Variants in EXOC6B observed in about 807,000 individuals in gnomAD.
The protein encoded by EXOC6B is SEC15 homolog B.
A neutral mutation model predicts 113.5 loss-of-function variants in EXOC6B; 54 were observed. That is an observed-to-expected ratio of 0.48 (90% CI 0.38 to 0.60). EXOC6B has a LOEUF of 0.60. EXOC6B is among the 20% of genes least tolerant of loss of function. EXOC6B has a pLI of 0.00. For missense variants in EXOC6B, 797 were observed against 977.5 expected, an observed-to-expected ratio of 0.82 and a Z score of 2.46; for synonymous variants, 357 against 339.0, an observed-to-expected ratio of 1.05 and a Z score of -0.58.
chr2:72,408,301 C>A (rs976078645), intron 18 of EXOC6B, among the ~76,000 whole-genome samples: 1 of 152,060 alleles, frequency 6.6e-6, no homozygotes, highest in Non-Finnish European at 1.5e-5. Flanking sequence ...CAAAGTAATT[C>A]ATAGATTCAG....
chr2:72,478,093 G>T (rs973263250), intron 17 of EXOC6B, among the ~76,000 whole-genome samples: 1 of 152,014 alleles, frequency 6.6e-6, no homozygotes, highest in Non-Finnish European at 1.5e-5. Context: ...AGTATAGTGG[G>T]TGTCTTCTCT....
chr2:72,349,215 G>C (rs10203965), intron 19 of EXOC6B, among the ~76,000 whole-genome samples: 15,540 of 152,180 alleles, frequency 0.1, 790 homozygotes, highest in African/African-American at 0.12. Context: ...TGAGGTCTGT[G>C]ATATAATAAG....
intron 18 of EXOC6B, among the ~76,000 whole-genome samples, chr2:72,424,183 A>G (rs1695074910): frequency 1.3e-5 from 2 of 152,200 alleles, no homozygotes; most frequent in Non-Finnish European, 2.9e-5. Context: ...ACAATTCTTG[A>G]TAATTTACAC....
At chr2:72,685,338 C>T (rs1196139072) in intron 6 of EXOC6B, among the ~76,000 whole-genome samples, 2 of 152,144 alleles carry the variant, frequency 1.3e-5, no homozygotes, top group African/African-American at 4.8e-5. Flanking sequence ...CAAGCAAAGT[C>T]AATTTCCCTC....
rs146573352 is a variant in EXOC6B, at chr2:72,397,660, T to TAAAATAAAATAAAATAAAATAAAAATA, written c.1981-17791_1981-17790insTATTTTTATTTTATTTTATTTTATTTT. Among the ~76,000 whole-genome samples, 91 of 139,888 alleles carry TAAAATAAAATAAAATAAAATAAAAATA rather than the reference T, an allele frequency of 6.5e-4. 1 individual carries two copies. Among genetic ancestry groups the TAAAATAAAATAAAATAAAATAAAAATA allele is most frequent in the African/African-American group, 2.3e-3 (75 of 33,156 alleles). The allele number at this position is 139,888 out of a possible 152,430, so 91.8% of individuals were successfully genotyped here. ...TAAAATAAAATAAAATAAAATAAAA[T>TAAAATAAAATAAAATAAAATAAAAATA]TATATATATATACACTCATATATTC... On this transcript the variant is annotated intron_variant, in intron 18 of 21. Transcript: ENST00000272427.
intron 20 of EXOC6B, among the ~76,000 whole-genome samples, chr2:72,204,538 A>G (rs1169660180): frequency 7.2e-6 from 1 of 138,330 alleles, no homozygotes; most frequent in Non-Finnish European, 1.5e-5. Context: ...ATTAAAGGGG[A>G]GAAGACCAGA....
intron 18 of EXOC6B, among the ~76,000 whole-genome samples, chr2:72,396,780 G>A (rs1284658206): frequency 6.6e-6 from 1 of 151,340 alleles, no homozygotes; most frequent in Non-Finnish European, 1.5e-5. Flanking sequence ...AGAAGTAAAA[G>A]GTAAAAAAAA....
chr2:72,732,989 A>C, intron 3 of EXOC6B, 82 bp downstream of exon 3: 1 of 952,906 alleles, frequency 1.0e-6, no homozygotes, highest in Non-Finnish European at 1.7e-6. Context: ...TTACAGTCTT[A>C]ACCACTAAAT....
intron 20 of EXOC6B, among the ~76,000 whole-genome samples, chr2:72,319,785 A>G (rs546981156): frequency 6.6e-5 from 10 of 152,124 alleles, no homozygotes; most frequent in South Asian, 2.1e-4. Flanking sequence ...CAAAATGTCA[A>G]TTTTCCCCAA....
intron 8 of EXOC6B, among the ~76,000 whole-genome samples, chr2:72,528,448 A>G (rs1257086127): frequency 6.6e-6 from 1 of 152,090 alleles, no homozygotes; most frequent in Non-Finnish European, 1.5e-5. Flanking sequence ...TAGCTACATA[A>G]TAAGTCTTGA....
intron 20 of EXOC6B, among the ~76,000 whole-genome samples, chr2:72,217,779 G>A (rs760668917): frequency 1.6e-4 from 24 of 152,090 alleles, no homozygotes; most frequent in Non-Finnish European, 2.6e-4. Context: ...GGAACTTCCA[G>A]GAATTGAAAA....
chr2:72,522,688 C>A (rs192058637), intron 8 of EXOC6B, among the ~76,000 whole-genome samples: 106 of 152,258 alleles, frequency 7.0e-4, no homozygotes, highest in African/African-American at 2.5e-3. Flanking sequence ...CTAGATCATA[C>A]TTTCTTTCAG....
chr2:72,360,910 G>A (rs1013895314), intron 19 of EXOC6B, among the ~76,000 whole-genome samples: 10 of 119,494 alleles, frequency 8.4e-5, no homozygotes, highest in South Asian at 4.8e-4. Context: ...CAGCCTGGGC[G>A]ATAAAGGAAG....
intron 7 of EXOC6B, among the ~76,000 whole-genome samples, chr2:72,559,904 TA>T (rs1388320121): frequency 6.6e-6 from 1 of 152,184 alleles, no homozygotes; most frequent in Non-Finnish European, 1.5e-5. Context: ...ATAGTGTACA[TA>T]AAAAACTAAG....
intron 18 of EXOC6B, among the ~76,000 whole-genome samples, chr2:72,409,024 AAAAC>A (rs1294272767): frequency 6.6e-6 from 1 of 152,220 alleles, no homozygotes; most frequent in Non-Finnish European, 1.5e-5. Flanking sequence ...TTACAAGAAA[AAAAC>A]AAACAACCCC....
chr2:72,530,155 T>C (rs1445678570), intron 8 of EXOC6B, among the ~76,000 whole-genome samples: 1 of 152,194 alleles, frequency 6.6e-6, no homozygotes, highest in African/African-American at 2.4e-5. Flanking sequence ...TATTCTTCCA[T>C]TCATTCTACT....
chr2:72,204,199 CA>C (rs2104351603), intron 20 of EXOC6B, among the ~76,000 whole-genome samples: 1 of 152,120 alleles, frequency 6.6e-6, no homozygotes, highest in South Asian at 2.1e-4. Flanking sequence ...AGAAGGATCT[CA>C]AAAAAATGTG....
intron 18 of EXOC6B, among the ~76,000 whole-genome samples, chr2:72,449,312 A>G (rs1696773618): frequency 6.6e-6 from 1 of 151,810 alleles, no homozygotes; most frequent in Non-Finnish European, 1.5e-5. Flanking sequence ...CCTCCCAAGT[A>G]GCTGGGACTA....
intron 20 of EXOC6B, among the ~76,000 whole-genome samples, chr2:72,272,798 A>G (rs923117942): frequency 3.9e-5 from 6 of 152,172 alleles, no homozygotes; most frequent in African/African-American, 1.4e-4. Context: ...GTGCTAATTT[A>G]TGGTAGAACT....
Sources: gnomAD v4.1 joint callset for allele counts (sites outside exome capture counted in the v4.1 genomes callset) on GRCh38, gnomAD v4.1.1 for gene constraint, MANE v1.5 for transcripts, NCBI Gene and HGNC (gene_info 2026-07-23, HGNC 2026-07-21) for gene names.